The following EPYC variants were observed in gnomAD, a reference collection of about 807,000 sequenced individuals.
EPYC encodes dermatan sulfate proteoglycan 3.
In EPYC, 28 loss-of-function variants were observed where a neutral mutation model predicts 30.1. That is an observed-to-expected ratio of 0.93 (90% CI 0.69 to 1.28). EPYC has a LOEUF of 1.28. Ranked by LOEUF, EPYC falls within the 50% of genes most tolerant of loss-of-function variation. EPYC has a pLI of 0.00. For synonymous variants in EPYC, 144 were observed against 141.4 expected (o/e 1.02, Z -0.13); for missense variants, 382 against 383.5 (o/e 1.00, Z 0.03).
chr12:91,002,061 G>A (rs537503415), intron 2 of EPYC, among the ~76,000 whole-genome samples: 12 of 151,330 alleles, frequency 7.9e-5, no homozygotes, highest in South Asian at 6.3e-4. Context: ...TCCTAGCTAC[G>A]AGCCTGTAGT....
chr12:91,002,470 G>T lies in EPYC; in HGVS notation c.96C>A (p.Thr32=), dbSNP rs76171854. ...CCAGGTCTTCTAAGGTGGCATCATA[G>T]GTTTCTGAGTCATAGTTGATGGACT... The part of the protein sequence containing the change: ...TLESINYDSE[T]YDATLEDLDN... Residue 32 remains threonine, a synonymous_variant, in exon 2 of 7, where the codon ACC becomes ACA. Coordinates refer to ENST00000261172, the MANE Select transcript of EPYC (RefSeq NM_004950.5). The T allele has an allele frequency of 0.031, 49,569 of 1,613,166 alleles. 840 individuals carry two copies. The highest frequency in any genetic ancestry group is 0.037 in the African/African-American group (2,736 of 74,930).
intron 2 of EPYC, among the ~76,000 whole-genome samples, chr12:91,001,773 C>T (rs1196357540): frequency 4.6e-5 from 7 of 152,062 alleles, no homozygotes; most frequent in African/African-American, 9.7e-5. Flanking sequence ...GCGTGCATAC[C>T]ATTTTAACTC....
chr12:90,992,190 G>A (rs541619439), intron 2 of EPYC, among the ~76,000 whole-genome samples: 1 of 152,280 alleles, frequency 6.6e-6, no homozygotes, highest in South Asian at 2.1e-4. Context: ...GTTCACAATA[G>A]TGTTTGCATT....
chr12:90,989,813 C>T (rs1021479147), intron 2 of EPYC, among the ~76,000 whole-genome samples: 39 of 151,990 alleles, frequency 2.6e-4, no homozygotes, highest in Non-Finnish European at 1.0e-4. Context: ...CCAGTTTATT[C>T]AAGACTCCAT....
In EPYC at chr12:90,964,221, T is replaced by A; in HGVS notation, c.904A>T (p.Asn302Tyr). The A allele has an allele frequency of 6.2e-7, 1 of 1,613,670 alleles. No homozygotes were observed. Among genetic ancestry groups the A allele is most frequent in the Middle Eastern group, 1.6e-4 (1 of 6,062 alleles). Residue 302 changes from asparagine (N) to tyrosine (Y), a missense_variant, in exon 7 of 7, where the codon AAT becomes TAT. Physicochemically the swap from Asn to Tyr is moderately radical, Grantham distance 143. Coordinates refer to ENST00000261172, the MANE Select transcript of EPYC (RefSeq NM_004950.5). ...TATGCTTGAGGAGTTTTGCTGAGATTAATAGGGTTTCCATCCAATCGAATG... is the reference window on the plus strand; with the variant it reads ...TATGCTTGAGGAGTTTTGCTGAGATAAATAGGGTTTCCATCCAATCGAATG... ...EDIRLDGNPI[N>Y]LSKTPQAYMC...
intron 6 of EPYC, among the ~76,000 whole-genome samples, chr12:90,965,435 C>G (rs371464238): frequency 6.6e-6 from 1 of 152,140 alleles, no homozygotes; most frequent in East Asian, 1.9e-4. Context: ...ACTGTCAGAC[C>G]GTTTTCCAAA....
intron 6 of EPYC, among the ~76,000 whole-genome samples, chr12:90,968,881 A>G (rs1252570844): frequency 6.6e-6 from 1 of 151,880 alleles, no homozygotes; most frequent in Non-Finnish European, 1.5e-5. Flanking sequence ...CACCCCCAGA[A>G]AAAAAGAGAG....
Position 90,964,305 on chromosome 12 carries a change from G to C in EPYC, c.820C>G (p.His274Asp), listed in dbSNP as rs1365012984. 1 of 1,606,968 alleles carries C rather than the reference G, an allele frequency of 6.2e-7. No individual in the cohort carries two copies. Among genetic ancestry groups the C allele is most frequent in the Non-Finnish European group, 8.5e-7 (1 of 1,174,738 alleles). Residue 274 changes from histidine (H) to aspartate (D), a missense_variant, in exon 7 of 7, where the codon CAC becomes GAC. Physicochemically the swap from His to Asp is moderately conservative, Grantham distance 81. Transcript: ENST00000261172. ...HLQNNNILEM[H>D]EDTFCNVKNL... is the part of the protein sequence containing the mutation. ...TTAACATTGCAGAACGTATCTTCGT[G>C]CATTTCCAGAATGTTGTTATTCTAA...
intron 2 of EPYC, among the ~76,000 whole-genome samples, chr12:90,998,225 A>G (rs981604838): frequency 3.9e-5 from 6 of 152,126 alleles, no homozygotes; most frequent in African/African-American, 1.2e-4. Flanking sequence ...TCAGAAAGCA[A>G]AAAGTCTACA....
intron 2 of EPYC, among the ~76,000 whole-genome samples, chr12:90,979,019 A>G (rs1877264687): frequency 6.6e-6 from 1 of 152,100 alleles, no homozygotes; most frequent in African/African-American, 2.4e-5. Context: ...GTTTTTTTTT[A>G]TATTATATTT....
chr12:90,994,708 T>C (rs902272913), intron 2 of EPYC, among the ~76,000 whole-genome samples: 1 of 152,180 alleles, frequency 6.6e-6, no homozygotes, highest in South Asian at 2.1e-4. Context: ...ATTGTACCAG[T>C]CAATTCCTAT....
At chr12:90,993,856 C>T (rs1291544056) in intron 2 of EPYC, among the ~76,000 whole-genome samples, 1 of 151,656 alleles carries the variant, frequency 6.6e-6, no homozygotes, top group Non-Finnish European at 1.5e-5. Flanking sequence ...TGTAAGTAAC[C>T]TTAAATACTG....
chr12:90,968,885 AAGAG>A (rs1876964682), intron 6 of EPYC, among the ~76,000 whole-genome samples: 1 of 151,934 alleles, frequency 6.6e-6, no homozygotes, highest in Non-Finnish European at 1.5e-5. Context: ...CCCAGAAAAA[AAGAG>A]AGAGCCATCC....
intron 2 of EPYC, among the ~76,000 whole-genome samples, chr12:90,981,086 G>A (rs1320488051): frequency 6.6e-6 from 1 of 152,106 alleles, no homozygotes; most frequent in Non-Finnish European, 1.5e-5. Context: ...TGCTTAGGGA[G>A]TACATTCTGT....
At chr12:91,004,746 G>C (rs1270596585) in intron 1 of EPYC, among the ~76,000 whole-genome samples, 1 of 152,044 alleles carries the variant, frequency 6.6e-6, no homozygotes, top group South Asian at 2.1e-4. Context: ...ACTATTTGCT[G>C]TATGTTATTA....
At chr12:90,971,383 A>G (rs558860454) in intron 5 of EPYC, among the ~76,000 whole-genome samples, 4 of 152,230 alleles carry the variant, frequency 2.6e-5, no homozygotes, top group Admixed American at 2.6e-4. Context: ...AAATCCCCTT[A>G]TAGAAGTTGA....
intron 6 of EPYC, among the ~76,000 whole-genome samples, chr12:90,969,492 T>C (rs759335578): frequency 6.7e-6 from 1 of 149,548 alleles, no homozygotes; most frequent in Non-Finnish European, 1.5e-5. Context: ...TAATGGGCTT[T>C]AAAATAACCA....
intron 2 of EPYC, among the ~76,000 whole-genome samples, chr12:90,994,450 G>T (rs777821223): frequency 6.6e-6 from 1 of 152,124 alleles, no homozygotes; most frequent in Admixed American, 6.6e-5. Context: ...ACTTGCCCAA[G>T]GTTATACAGT....
chr12:90,988,081 T>A (rs1310011004), intron 2 of EPYC, among the ~76,000 whole-genome samples: 1 of 152,160 alleles, frequency 6.6e-6, no homozygotes, highest in Non-Finnish European at 1.5e-5. Flanking sequence ...TCCTTATTGA[T>A]TCATTGATAT....
Sources: allele counts gnomAD v4.1 joint callset (sites outside exome capture counted in the v4.1 genomes callset), GRCh38; gene constraint gnomAD v4.1.1; transcripts MANE v1.5; gene names NCBI Gene and HGNC (gene_info 2026-07-23, HGNC 2026-07-21).